The following PCDHGA4 variants were observed in gnomAD, a reference collection of about 807,000 sequenced individuals.
The protein encoded by PCDHGA4 is protocadherin gamma-A4.
Under a neutral mutation model 54.6 loss-of-function variants are expected in PCDHGA4, and 38 were observed. That is an observed-to-expected ratio of 0.70 (90% CI 0.54 to 0.91). The LOEUF (loss-of-function observed/expected upper bound fraction) is 0.91. Ranked by LOEUF, PCDHGA4 falls within the 40% of genes least tolerant of loss-of-function variation. The pLI is 0.00. For missense variants in PCDHGA4, 1,298 were observed against 1,220.9 expected, an observed-to-expected ratio of 1.06 and a Z score of -0.94; for synonymous variants, 511 against 512.9, an observed-to-expected ratio of 1.00 and a Z score of 0.05.
At chr5:141,450,046 G>A (rs1390669307) in intron 1 of PCDHGA4, among the ~76,000 whole-genome samples, 4 of 121,108 alleles carry the variant, frequency 3.3e-5, no homozygotes, top group Admixed American at 1.1e-4. Context: ...TCACTCTTTC[G>A]CCCAGGCTGG....
rs2099746956 is a variant in PCDHGA4 at position 141,493,207 on chromosome 5, A to C, written c.2515-1600A>C. Among the ~76,000 whole-genome samples, 1 of 152,152 alleles carries C rather than the reference A, an allele frequency of 6.6e-6. No individual in the cohort carries two copies. The highest frequency in any genetic ancestry group is 2.4e-5 in the African/African-American group (1 of 41,442). On this transcript the variant is annotated intron_variant, in intron 1 of 3. Coordinates refer to ENST00000571252, the MANE Select transcript of PCDHGA4 (RefSeq NM_018917.4). The surrounding 1 kb of genome is among the most constrained non-coding windows in gnomAD (Gnocchi z 4.3). ...ATAACTCCTTTGAGAACCTCATCTC[A>C]TTTGCTCTTCCCACCATTGCTGTTG...
rs751905674 is a variant in PCDHGA4, at chr5:141,408,643, C to A, written c.2514+51022C>A. On this transcript the variant is annotated intron_variant, in intron 1 of 3. Coordinates refer to ENST00000571252, the MANE Select transcript of PCDHGA4 (RefSeq NM_018917.4). ...ATTTAGAAATTTTCGAATCTGCATCCGCTGGTACACGACTATCGCTTGACC... is the reference window on the plus strand; with the variant it reads ...ATTTAGAAATTTTCGAATCTGCATCAGCTGGTACACGACTATCGCTTGACC... 13 of 1,613,792 alleles carry A rather than the reference C, an allele frequency of 8.1e-6. No homozygotes were observed. The African/African-American group carries it at 1.6e-4, about 20-fold the overall frequency.
intron 1 of PCDHGA4, among the ~76,000 whole-genome samples, chr5:141,451,727 C>A (rs2098722766): frequency 6.6e-6 from 1 of 152,014 alleles, no homozygotes; most frequent in Admixed American, 6.6e-5. Flanking sequence ...ACTAAAAATA[C>A]AAAAATTAGC....
At chr5:141,363,943 T>C (rs1763121140) in intron 1 of PCDHGA4, among the ~76,000 whole-genome samples, 1 of 152,216 alleles carries the variant, frequency 6.6e-6, no homozygotes, top group African/African-American at 2.4e-5. Context: ...AATAATCATA[T>C]TGATCTCAGG....
intron 1 of PCDHGA4, chr5:141,376,285 C>T (rs1303749719): frequency 5.0e-6 from 8 of 1,614,112 alleles, no homozygotes; most frequent in Admixed American, 1.7e-5. Flanking sequence ...GCTTAGCGAG[C>T]ATGCCCGGCT....
At chr5:141,375,119 G>A in intron 1 of PCDHGA4, 1 of 1,613,940 alleles carries the variant, frequency 6.2e-7, no homozygotes, top group Non-Finnish European at 8.5e-7. Flanking sequence ...TAATGTACCA[G>A]AAGTGGTTGT....
chr5:141,489,427 C>G lies in PCDHGA4; in HGVS notation c.2515-5380C>G, dbSNP rs370540900. ...AAAGATGACAGATCTGTTGAGCCGG[C>G]GGCTGCAATTGGGCTCTGAGGAGAA... On this transcript the variant is annotated intron_variant, in intron 1 of 3. Transcript: ENST00000571252. The surrounding 1 kb of genome is among the most constrained non-coding windows in gnomAD (Gnocchi z 4.5). 6.2e-7 allele frequency: 1 copy of G among 1,614,108 alleles called. No homozygotes were observed. Among genetic ancestry groups the G allele is most frequent in the South Asian group, 1.1e-5 (1 of 91,086 alleles).
chr5:141,505,287 TG>T, intron 2 of PCDHGA4, 105 bp from the exon 3 acceptor site: 1 of 1,550,864 alleles, frequency 6.4e-7, no homozygotes, highest in Middle Eastern at 2.1e-4. Context: ...GTCTTGGGCA[TG>T]GGGTAGGGTT....
chr5:141,467,715 G>C (rs904101145), intron 1 of PCDHGA4, among the ~76,000 whole-genome samples: 1 of 152,022 alleles, frequency 6.6e-6, no homozygotes, highest in Non-Finnish European at 1.5e-5. Flanking sequence ...AGGCTGGAGT[G>C]TAGTGGCACA....
intron 1 of PCDHGA4, chr5:141,404,551 G>A (rs764332245): frequency 1.9e-5 from 31 of 1,613,748 alleles, no homozygotes; most frequent in African/African-American, 1.1e-4. Flanking sequence ...TGCAGGTGAC[G>A]GCAAGTGACA....
In PCDHGA4 at chr5:141,422,843, G is replaced by C. The variant is rs778670588; in HGVS notation, c.2514+65222G>C. 1.9e-6 allele frequency: 3 copies of C among 1,614,234 alleles called. No homozygotes were observed. In the East Asian group the frequency reaches 6.7e-5, roughly 36 times the overall value. ...CTGAGAGTGATAGCACGTGACAGCG[G>C]GGACCCGCCCCTCAGCAGCAACGTG... is the stretch of plus-strand genomic sequence containing the variant. On this transcript the variant is annotated intron_variant, in intron 1 of 3. Coordinates refer to ENST00000571252, the MANE Select transcript of PCDHGA4 (RefSeq NM_018917.4).
chr5:141,375,190 T>C, intron 1 of PCDHGA4: 1 of 1,613,964 alleles, frequency 6.2e-7, no homozygotes, highest in South Asian at 1.1e-5. Context: ...TCGCCCTTTT[T>C]CAAGTGTTCG....
intron 1 of PCDHGA4, among the ~76,000 whole-genome samples, chr5:141,472,178 A>G (rs1337942457): frequency 6.6e-6 from 1 of 152,210 alleles, no homozygotes; most frequent in African/African-American, 2.4e-5. Flanking sequence ...AATATCCAGT[A>G]TTGGAATTTG....
chr5:141,464,913 A>AT (rs1366203949), intron 1 of PCDHGA4, among the ~76,000 whole-genome samples: 2 of 151,546 alleles, frequency 1.3e-5, no homozygotes, highest in South Asian at 4.2e-4. Flanking sequence ...TAATTTTTTT[A>AT]TTTTTTTGTA....
At chr5:141,498,830 G>T (rs2099786149) in intron 2 of PCDHGA4, among the ~76,000 whole-genome samples, 1 of 152,080 alleles carries the variant, frequency 6.6e-6, no homozygotes, top group Non-Finnish European at 1.5e-5. Context: ...CTACTCAGGA[G>T]GCTGAGGCAG....
chr5:141,357,127 G>C lies in PCDHGA4; in HGVS notation c.2020G>C (p.Val674Leu). ...LDRDALKQRL[V>L]VVVQDHGQPP... ...CAGAGACGCGCTCAAGCAGAGGCTTGTAGTGGTCGTCCAGGACCATGGCCA... is the reference window on the plus strand; with the variant it reads ...CAGAGACGCGCTCAAGCAGAGGCTTCTAGTGGTCGTCCAGGACCATGGCCA... The change falls in exon 1 of 4, where the codon GTA becomes CTA. Residue 674 changes from valine to leucine, a missense_variant. Coordinates refer to ENST00000571252, the MANE Select transcript of PCDHGA4 (RefSeq NM_018917.4). 2 of 1,613,566 alleles carry C rather than the reference G, an allele frequency of 1.2e-6. No homozygotes were observed. Among genetic ancestry groups the C allele is most frequent in the Non-Finnish European group, 1.7e-6 (2 of 1,179,904 alleles).
chr5:141,377,551 G>T (rs949060522), intron 1 of PCDHGA4: 3 of 151,380 alleles, frequency 2.0e-5, no homozygotes, highest in African/African-American at 7.3e-5. Flanking sequence ...AGATATAATT[G>T]TGTCACTGCA....
intron 1 of PCDHGA4, among the ~76,000 whole-genome samples, chr5:141,438,626 A>G (rs1309857700): frequency 2.3e-5 from 1 of 43,566 alleles, no homozygotes; most frequent in Non-Finnish European, 3.7e-5. Flanking sequence ...ATATATATAT[A>G]TATATATATA....
At position 141,393,141 on chromosome 5, in the gene PCDHGA4, G is replaced by A. The variant is rs371909748; in HGVS notation, c.2514+35520G>A. 20 of 1,613,182 alleles carry A rather than the reference G, an allele frequency of 1.2e-5. No homozygotes were observed. The African/African-American group carries it at 2.4e-4, about 19-fold the overall frequency. On this transcript the variant is annotated intron_variant, in intron 1 of 3. Coordinates refer to ENST00000571252, the MANE Select transcript of PCDHGA4 (RefSeq NM_018917.4). Reference sequence around the variant, plus strand: ...GTGTCTGATAAATATTAACACCCTGGTTGAGGATAAAGGAAAACTCTTTGG... The same window carrying A: ...GTGTCTGATAAATATTAACACCCTGATTGAGGATAAAGGAAAACTCTTTGG...
Sources: allele counts gnomAD v4.1 joint callset (sites outside exome capture counted in the v4.1 genomes callset), GRCh38; gene constraint gnomAD v4.1.1; non-coding constraint Gnocchi (gnomAD v3.1); transcripts MANE v1.5; gene names NCBI Gene and HGNC (gene_info 2026-07-23, HGNC 2026-07-21).